Variants in RBMS3 observed in about 807,000 individuals in gnomAD.
RBMS3 encodes RNA binding motif single stranded interacting protein 3.
RBMS3 carries 27 observed loss-of-function variants against 66.8 expected under a neutral mutation model. That is an observed-to-expected ratio of 0.40 (90% CI 0.30 to 0.56). The LOEUF is 0.56. RBMS3 is among the 20% of genes least tolerant of loss of function. The pLI is 0.40. For synonymous variants in RBMS3, 188 were observed against 183.0 expected (o/e 1.03, Z -0.22); for missense variants, 513 against 549.5 (o/e 0.93, Z 0.66).
At chr3:29,497,300 C>T (rs993625088) in intron 3 of RBMS3, among the ~76,000 whole-genome samples, 4 of 152,102 alleles carry the variant, frequency 2.6e-5, no homozygotes, top group Admixed American at 1.3e-4. Context: ...TGAGCCACTG[C>T]GCCTAGCCTG....
chr3:29,716,743 A>G (rs747704274), intron 4 of RBMS3, among the ~76,000 whole-genome samples: 3 of 152,166 alleles, frequency 2.0e-5, no homozygotes, highest in South Asian at 2.1e-4. Context: ...AGGCATCTAC[A>G]TATTCCTTTT....
chr3:29,488,473 T>G lies in RBMS3; in HGVS notation c.281T>G (p.Leu94Arg), dbSNP rs746042103. 2.5e-6 allele frequency: 4 copies of G among 1,612,196 alleles called. No individual in the cohort carries two copies. Among genetic ancestry groups the G allele is most frequent in the Non-Finnish European group, 3.4e-6 (4 of 1,178,462 alleles). ...YGKIVSTKAI[L>R]DKNTNQCKGY... ...AAAATTGTATCTACAAAGGCAATTC[T>G]TGACAAAAACACAAATCAGTGCAAA... The change falls in exon 3 of 15, where the codon CTT becomes CGT. Residue 94 changes from leucine to arginine, a missense_variant. Physicochemically the swap from Leu to Arg is moderately radical, Grantham distance 102 (BLOSUM62 -2). Transcript: ENST00000383767.
intron 14 of RBMS3, among the ~76,000 whole-genome samples, chr3:29,992,673 G>A (rs945238347): frequency 7.9e-5 from 12 of 152,178 alleles, no homozygotes; most frequent in African/African-American, 2.9e-4. Context: ...TCAGAACACA[G>A]CAAAGACAGC....
intron 12 of RBMS3, among the ~76,000 whole-genome samples, chr3:29,962,728 C>T (rs368633195): frequency 4.6e-5 from 7 of 151,944 alleles, no homozygotes; most frequent in South Asian, 2.1e-4. Context: ...TAACTGAAAG[C>T]ATCTAATCCT....
chr3:29,435,573 T>G (rs930130623), intron 2 of RBMS3, among the ~76,000 whole-genome samples: 16 of 152,202 alleles, frequency 1.1e-4, no homozygotes, highest in African/African-American at 3.6e-4. Context: ...CTTATGTCAT[T>G]AATTCTCTTA....
intron 12 of RBMS3, among the ~76,000 whole-genome samples, chr3:29,965,035 C>A (rs770420004): frequency 2.0e-5 from 3 of 152,152 alleles, no homozygotes; most frequent in Non-Finnish European, 4.4e-5. Flanking sequence ...CAGGTCACTG[C>A]AAATGCTGTT....
chr3:29,623,378 G>T (rs1213372653), intron 4 of RBMS3, among the ~76,000 whole-genome samples: 1 of 151,894 alleles, frequency 6.6e-6, no homozygotes. Context: ...GGTTCACAAG[G>T]TCAGCAGATC....
intron 4 of RBMS3, among the ~76,000 whole-genome samples, chr3:29,592,851 CT>C (rs898366651): frequency 6.6e-6 from 1 of 151,938 alleles, no homozygotes; most frequent in African/African-American, 2.4e-5. Context: ...AGTTCATGTC[CT>C]TTGTAGGGAC....
intron 4 of RBMS3, among the ~76,000 whole-genome samples, chr3:29,588,767 G>A (rs1231408078): frequency 1.3e-5 from 2 of 152,012 alleles, no homozygotes; most frequent in Admixed American, 6.6e-5. Context: ...ACATGTCTTG[G>A]TTTAAAGGTT....
chr3:29,550,733 A>G (rs1011551504), intron 3 of RBMS3, among the ~76,000 whole-genome samples: 4 of 152,172 alleles, frequency 2.6e-5, no homozygotes, highest in African/African-American at 9.7e-5. Context: ...TTAAGTTTAA[A>G]TGGGAGCACT....
chr3:29,541,707 C>T (rs979211395), intron 3 of RBMS3, among the ~76,000 whole-genome samples: 1 of 152,198 alleles, frequency 6.6e-6, no homozygotes, highest in Non-Finnish European at 1.5e-5. Context: ...CCAGTGGCTT[C>T]CTGTCTCACA....
At chr3:29,458,440 A>G (rs1311231723) in intron 2 of RBMS3, among the ~76,000 whole-genome samples, 4 of 152,154 alleles carry the variant, frequency 2.6e-5, no homozygotes, top group African/African-American at 9.7e-5. Flanking sequence ...CCCCTTGGAT[A>G]ACAAAATTTT....
chr3:29,486,873 C>T (rs529398183), intron 2 of RBMS3, among the ~76,000 whole-genome samples: 1 of 151,964 alleles, frequency 6.6e-6, no homozygotes, highest in Non-Finnish European at 1.5e-5. Flanking sequence ...GGATTTTTGT[C>T]TTAAGGGTTT....
chr3:29,311,155 A>G (rs2034350076), intron 1 of RBMS3, among the ~76,000 whole-genome samples: 1 of 151,784 alleles, frequency 6.6e-6, no homozygotes, highest in Non-Finnish European at 1.5e-5. Context: ...AACAGAGCTA[A>G]TAAGCAAAGC....
At chr3:29,466,452 T>C (rs2042546516) in intron 2 of RBMS3, among the ~76,000 whole-genome samples, 1 of 152,194 alleles carries the variant, frequency 6.6e-6, no homozygotes, top group South Asian at 2.1e-4. Flanking sequence ...CTTCAGAAGA[T>C]TAAATATTTA....
intron 1 of RBMS3, among the ~76,000 whole-genome samples, chr3:29,405,721 A>T (rs918881542): frequency 6.6e-6 from 1 of 152,154 alleles, no homozygotes; most frequent in Non-Finnish European, 1.5e-5. Context: ...CACCTAAAAC[A>T]TGGGGGAAAA....
At chr3:29,657,772 A>G (rs747889477) in intron 4 of RBMS3, among the ~76,000 whole-genome samples, 4 of 152,156 alleles carry the variant, frequency 2.6e-5, no homozygotes, top group Non-Finnish European at 5.9e-5. Context: ...TGCTCTTTTA[A>G]CTCAATGTTT....
intron 3 of RBMS3, among the ~76,000 whole-genome samples, chr3:29,556,799 C>T (rs2046382900): frequency 6.6e-6 from 1 of 152,114 alleles, no homozygotes; most frequent in African/African-American, 2.4e-5. Flanking sequence ...GCTGCTTTGC[C>T]TGCAGACAAA....
chr3:29,960,850 G>A (rs1460282673), intron 12 of RBMS3, among the ~76,000 whole-genome samples: 1 of 152,126 alleles, frequency 6.6e-6, no homozygotes, highest in Non-Finnish European at 1.5e-5. Flanking sequence ...GCTGCACACA[G>A]TGAAGGGACC....
Sources: allele counts gnomAD v4.1 joint callset (sites outside exome capture counted in the v4.1 genomes callset), GRCh38; gene constraint gnomAD v4.1.1; transcripts MANE v1.5; gene names NCBI Gene and HGNC (gene_info 2026-07-23, HGNC 2026-07-21).